NEURL1: variants seen among roughly 807,000 people sequenced by gnomAD.
NEURL1 encodes neuralized E3 ubiquitin protein ligase 1, also known as E3 ubiquitin-protein ligase NEURL1.
NEURL1 carries 26 observed loss-of-function variants against 41.2 expected under a neutral mutation model. That is an observed-to-expected ratio of 0.63 (90% CI 0.46 to 0.87). The LOEUF (loss-of-function observed/expected upper bound fraction) is 0.87. Among genes scored for constraint, NEURL1 ranks in the 40% least tolerant of loss-of-function variants. The probability of loss-of-function intolerance (pLI) is 0.00; values close to 1 mark genes in which losing one functional copy is unlikely to be tolerated. For missense variants in NEURL1, 761 were observed against 871.1 expected, an observed-to-expected ratio of 0.87 and a Z score of 1.59; for synonymous variants, 400 against 402.3, an observed-to-expected ratio of 0.99 and a Z score of 0.07.
Position 103,590,505 on chromosome 10 carries a change from T to C in NEURL1, c.*133T>C. 1.5e-6 allele frequency: 1 copy of C among 684,830 alleles called. No homozygotes were observed. The highest frequency in any genetic ancestry group is 2.5e-6 in the Non-Finnish European group (1 of 402,240). The allele number at this position is 684,830 out of a possible 1,614,324, so 42.4% of individuals were successfully genotyped here. A position where few individuals can be genotyped will look rare whatever the true frequency, so the allele number is the denominator to read the frequency against. ...TCCTCCTCTATTAAACATGGGAAAC[T>C]GAAGCCCTTGAAGGTTTGGGGAGAG... On this transcript the variant is annotated 3_prime_UTR_variant, in exon 6 of 6. Transcript: ENST00000369780.
intron 1 of NEURL1, among the ~76,000 whole-genome samples, chr10:103,518,876 C>A (rs113709961): frequency 6.6e-6 from 1 of 152,160 alleles, no homozygotes; most frequent in Non-Finnish European, 1.5e-5. Context: ...TGTTGGGGAA[C>A]GGGATGCTTT....
intron 3 of NEURL1, among the ~76,000 whole-genome samples, chr10:103,576,034 G>A (rs540387763): frequency 6.6e-6 from 1 of 152,354 alleles, no homozygotes; most frequent in Admixed American, 6.5e-5. Context: ...CCACTGCCTA[G>A]GCACTAAGCG....
chr10:103,531,572 G>C (rs760100988), intron 1 of NEURL1, among the ~76,000 whole-genome samples: 5 of 151,522 alleles, frequency 3.3e-5, no homozygotes, highest in Non-Finnish European at 5.9e-5. Flanking sequence ...TCACTTTATT[G>C]CCCAGAGTGA....
At chr10:103,514,117 T>C (rs889433179) in intron 1 of NEURL1, among the ~76,000 whole-genome samples, 5 of 152,108 alleles carry the variant, frequency 3.3e-5, no homozygotes, top group Non-Finnish European at 7.4e-5. Context: ...TTTTTCTTTT[T>C]TTTGAGACAG....
chr10:103,544,131 T>G (rs890114042), intron 1 of NEURL1, among the ~76,000 whole-genome samples: 1 of 151,826 alleles, frequency 6.6e-6, no homozygotes, highest in African/African-American at 2.4e-5. Context: ...AGGATGATGC[T>G]GGGGGCCTGA....
At chr10:103,568,690 AAAG>A (rs1322584650) in intron 1 of NEURL1, among the ~76,000 whole-genome samples, 8 of 152,236 alleles carry the variant, frequency 5.3e-5, no homozygotes, top group Non-Finnish European at 1.0e-4. Flanking sequence ...ATTTAAAAAA[AAAG>A]ATAAGGAACA....
intron 1 of NEURL1, among the ~76,000 whole-genome samples, chr10:103,569,179 G>A (rs571746537): frequency 3.4e-4 from 52 of 152,350 alleles, no homozygotes; most frequent in African/African-American, 9.9e-4. Flanking sequence ...AAAAATGGAA[G>A]GAGAGGAAGG....
intron 3 of NEURL1, among the ~76,000 whole-genome samples, chr10:103,574,085 G>T (rs1195962642): frequency 6.6e-6 from 1 of 152,208 alleles, no homozygotes; most frequent in Non-Finnish European, 1.5e-5. Flanking sequence ...GGGTAGGTAG[G>T]GGAGAGTAGT....
chr10:103,509,761 G>A (rs185071659), intron 1 of NEURL1, among the ~76,000 whole-genome samples: 93 of 152,176 alleles, frequency 6.1e-4, no homozygotes, highest in African/African-American at 2.1e-3. Flanking sequence ...AAGGTTCTCA[G>A]TTCCTGAGGC....
chr10:103,591,256 T>C lies in NEURL1; in HGVS notation c.*884T>C, dbSNP rs74722523. 5.9e-3 allele frequency: 900 copies of C among 153,028 alleles called. 7 individuals carry two copies. Among genetic ancestry groups the C allele is most frequent in the Middle Eastern group, 0.047 (14 of 298 alleles). 9.5% of individuals were successfully genotyped at this position (153,028 alleles called of 1,614,324 possible). A position where few individuals can be genotyped will look rare whatever the true frequency, so the allele number is the denominator to read the frequency against. ...AGAACAGGTTTGCAGCTACCCTCTCTGACCTTTTCCCCATATCTTGTGCTG... is the reference window on the plus strand; with the variant it reads ...AGAACAGGTTTGCAGCTACCCTCTCCGACCTTTTCCCCATATCTTGTGCTG... On this transcript the variant is annotated 3_prime_UTR_variant, in exon 6 of 6. Transcript: ENST00000369780.
intron 1 of NEURL1, among the ~76,000 whole-genome samples, chr10:103,507,910 A>AC (rs1564804281): frequency 6.6e-6 from 1 of 152,126 alleles, no homozygotes; most frequent in Non-Finnish European, 1.5e-5. Context: ...CCACACACAC[A>AC]CAAGCCCCTG....
At position 103,589,376 on chromosome 10, in the gene NEURL1, C is replaced by T; in HGVS notation, c.1340-138C>T. Reference sequence around the variant, plus strand: ...CGGTAATATCAAATGATCCCCGCGCCAGCCTGCAAAATCCCGCTCTTGGCC... The same window carrying T: ...CGGTAATATCAAATGATCCCCGCGCTAGCCTGCAAAATCCCGCTCTTGGCC... On this transcript the variant is annotated intron_variant, in intron 4 of 5. Transcript: ENST00000369780. The T allele has an allele frequency of 3.3e-6, 3 of 920,748 alleles. No individual in the cohort carries two copies. In the East Asian group the frequency reaches 8.0e-5, roughly 24 times the overall value. The allele number at this position is 920,748 out of a possible 1,614,324, so 57.0% of individuals were successfully genotyped here. A position where few individuals can be genotyped will look rare whatever the true frequency, so the allele number is the denominator to read the frequency against.
chr10:103,532,494 A>G (rs1309661796), intron 1 of NEURL1, among the ~76,000 whole-genome samples: 2 of 152,178 alleles, frequency 1.3e-5, no homozygotes, highest in East Asian at 3.8e-4. Flanking sequence ...TGTGTGGGAA[A>G]GACTATTTCT....
At chr10:103,569,810 T>C (rs2035499338) in intron 1 of NEURL1, among the ~76,000 whole-genome samples, 1 of 152,104 alleles carries the variant, frequency 6.6e-6, no homozygotes, top group African/African-American at 2.4e-5. Context: ...AGGAAGCTGC[T>C]CTAGAGAGAC....
At chr10:103,538,462 TCAGGAGG>T (rs2034744533) in intron 1 of NEURL1, among the ~76,000 whole-genome samples, 2 of 150,952 alleles carry the variant, frequency 1.3e-5, no homozygotes, top group African/African-American at 4.9e-5. Context: ...TCCTAGCTAC[TCAGGAGG>T]CTGAGGCAGG....
intron 1 of NEURL1, chr10:103,555,458 G>T: frequency 7.5e-7 from 1 of 1,334,678 alleles, no homozygotes. Context: ...CCCAGCCCGA[G>T]ACCGCCTGGG....
intron 1 of NEURL1, among the ~76,000 whole-genome samples, chr10:103,512,872 G>A (rs1419180321): frequency 6.6e-6 from 1 of 152,054 alleles, no homozygotes; most frequent in African/African-American, 2.4e-5. Context: ...GAAGTGGCTG[G>A]GTCCCTTCTC....
chr10:103,550,602 G>C (rs2035013941), intron 1 of NEURL1: 1 of 152,238 alleles, frequency 6.6e-6, no homozygotes, highest in Non-Finnish European at 1.5e-5. Context: ...CTGCATTTAG[G>C]CTTCATCCCT....
intron 1 of NEURL1, among the ~76,000 whole-genome samples, chr10:103,499,336 G>T (rs542131738): frequency 6.6e-6 from 1 of 152,088 alleles, no homozygotes; most frequent in African/African-American, 2.4e-5. Flanking sequence ...TGAGAGCAGG[G>T]GCAGGGGAAG....
Sources: gnomAD v4.1 joint callset for allele counts (sites outside exome capture counted in the v4.1 genomes callset) on GRCh38, gnomAD v4.1.1 for gene constraint, MANE v1.5 for transcripts, NCBI Gene and HGNC (gene_info 2026-07-23, HGNC 2026-07-21) for gene names.